Variants in AFG2A observed in about 807,000 individuals in gnomAD.
AFG2A encodes AAA ATPase AFG2A.
chr4:123,167,054 G>A, the AFG2A span, among the ~76,000 whole-genome samples: 2 of 151,846 alleles, frequency 1.3e-5, no homozygotes, highest in African/African-American at 4.8e-5. Flanking sequence ...TCATAAACTG[G>A]TGAGGATTAA....
chr4:123,048,099 A>G, the AFG2A span, among the ~76,000 whole-genome samples: 3 of 152,260 alleles, frequency 2.0e-5, no homozygotes, highest in East Asian at 5.8e-4. Context: ...TTTTTCCAGT[A>G]TCATTTATTA....
the AFG2A span, among the ~76,000 whole-genome samples, chr4:123,267,047 A>G: frequency 6.6e-6 from 1 of 152,022 alleles, no homozygotes; most frequent in Non-Finnish European, 1.5e-5. Flanking sequence ...GAAAGACACA[A>G]TTGACATGTT....
At chr4:122,977,933 A>G in the AFG2A span, among the ~76,000 whole-genome samples, 1 of 152,288 alleles carries the variant, frequency 6.6e-6, no homozygotes. Flanking sequence ...CTTTCCGCAG[A>G]GAGGACACCT....
the AFG2A span, among the ~76,000 whole-genome samples, chr4:123,184,522 A>G: frequency 0.02 from 2,829 of 139,400 alleles, 39 homozygotes; most frequent in South Asian, 0.045. Flanking sequence ...AAGGTCCAGC[A>G]TGATCATTTC....
At chr4:122,938,597 A>G in the AFG2A span, among the ~76,000 whole-genome samples, 1 of 152,026 alleles carries the variant, frequency 6.6e-6, no homozygotes, top group Non-Finnish European at 1.5e-5. Flanking sequence ...TTTATTTATT[A>G]TTATTGTTTT....
At chr4:122,940,354 G>C in the AFG2A span, among the ~76,000 whole-genome samples, 7 of 152,114 alleles carry the variant, frequency 4.6e-5, no homozygotes, top group Non-Finnish European at 1.0e-4. Flanking sequence ...TCTCATTGTG[G>C]TTTTGATTTG....
At chr4:123,240,565 G>T in the AFG2A span, among the ~76,000 whole-genome samples, 1 of 152,126 alleles carries the variant, frequency 6.6e-6, no homozygotes. Context: ...GCAGAAATAA[G>T]GATGTTGTTT....
chr4:123,224,072 TC>T, the AFG2A span, among the ~76,000 whole-genome samples: 1 of 152,224 alleles, frequency 6.6e-6, no homozygotes, highest in Non-Finnish European at 1.5e-5. Context: ...AAATCTTTAA[TC>T]CTTTTTGAGT....
the AFG2A span, among the ~76,000 whole-genome samples, chr4:123,156,759 T>TAAAAAAA: frequency 7.4e-6 from 1 of 134,824 alleles, no homozygotes; most frequent in Non-Finnish European, 1.6e-5. Context: ...TTAAGAAGAT[T>TAAAAAAA]AAAAAAAAAA....
the AFG2A span, among the ~76,000 whole-genome samples, chr4:123,080,083 T>A: frequency 6.6e-6 from 1 of 152,098 alleles, no homozygotes; most frequent in Non-Finnish European, 1.5e-5. Context: ...TCCCCTTTAT[T>A]CCTTGGTTTC....
the AFG2A span, among the ~76,000 whole-genome samples, chr4:123,165,883 G>T: frequency 6.6e-6 from 1 of 152,130 alleles, no homozygotes; most frequent in African/African-American, 2.4e-5. Context: ...AATTTAGTAA[G>T]CTGTGAACTT....
At chr4:122,992,978 G>GTGTGTGTGTGTGTGTGTA in the AFG2A span, among the ~76,000 whole-genome samples, 2,869 of 134,824 alleles carry the variant, frequency 0.021, 45 homozygotes, top group African/African-American at 0.047. Context: ...GTGTGTGTAT[G>GTGTGTGTGTGTGTGTGTA]TGTGTGTGTG....
the AFG2A span, among the ~76,000 whole-genome samples, chr4:122,940,091 T>C: frequency 6.6e-6 from 1 of 152,198 alleles, no homozygotes; most frequent in Non-Finnish European, 1.5e-5. Context: ...GCAATAAACA[T>C]ACGTGTGCAT....
chr4:123,075,364 T>C, the AFG2A span, among the ~76,000 whole-genome samples: 1 of 151,804 alleles, frequency 6.6e-6, no homozygotes, highest in Non-Finnish European at 1.5e-5. Context: ...ATTTACGCAA[T>C]CTTGGCTTAC....
the AFG2A span, among the ~76,000 whole-genome samples, chr4:123,265,170 G>C: frequency 6.6e-6 from 1 of 152,006 alleles, no homozygotes; most frequent in African/African-American, 2.4e-5. Context: ...AGAGTTGAAG[G>C]CCTAGTGATT....
At chr4:123,120,248 C>T in the AFG2A span, among the ~76,000 whole-genome samples, 101,292 of 152,052 alleles carry the variant, frequency 0.67, 37,110 homozygotes, top group East Asian at 0.97. Flanking sequence ...TGAGTTTCTC[C>T]GGTGAATCAT....
At chr4:122,946,751 A>G in the AFG2A span, among the ~76,000 whole-genome samples, 1,836 of 152,284 alleles carry the variant, frequency 0.012, 42 homozygotes, top group African/African-American at 0.041. Context: ...ATGTATCCAT[A>G]TTAAAAAAAC....
chr4:122,966,875 T>G, the AFG2A span, among the ~76,000 whole-genome samples: 1 of 152,190 alleles, frequency 6.6e-6, no homozygotes, highest in African/African-American at 2.4e-5. Context: ...GTACAATTGT[T>G]TAATGAAGTA....
chr4:123,010,578 A>G, the AFG2A span, among the ~76,000 whole-genome samples: 1 of 151,206 alleles, frequency 6.6e-6, no homozygotes. Context: ...AGATATTAAA[A>G]CCTTTACCAA....
Sources: gnomAD v4.1 joint callset for allele counts (sites outside exome capture counted in the v4.1 genomes callset) on GRCh38, gnomAD v4.1.1 for gene constraint, MANE v1.5 for transcripts, NCBI Gene and HGNC (gene_info 2026-07-23, HGNC 2026-07-21) for gene names.